Variants in HHAT observed in about 807,000 individuals in gnomAD.
The protein encoded by HHAT is protein-cysteine N-palmitoyltransferase HHAT.
Under a neutral mutation model 70.8 loss-of-function variants are expected in HHAT, and 47 were observed. The ratio of observed to expected loss-of-function variants is 0.66; its 90% CI spans 0.53 to 0.85. HHAT has a LOEUF of 0.85. HHAT is among the 40% of genes least tolerant of loss of function. HHAT has a pLI of 0.00. For missense variants in HHAT, 609 were observed against 604.8 expected (o/e 1.01, Z -0.07); for synonymous variants, 228 against 247.6 (o/e 0.92, Z 0.74).
At chr1:210,530,147 C>G (rs1302472927) in intron 9 of HHAT, among the ~76,000 whole-genome samples, 1 of 152,056 alleles carries the variant, frequency 6.6e-6, no homozygotes, top group African/African-American at 2.4e-5. Context: ...TAAAATTGCA[C>G]ACAAAAATCA....
At chr1:210,372,784 T>C (rs1174223174) in intron 3 of HHAT, among the ~76,000 whole-genome samples, 1 of 150,208 alleles carries the variant, frequency 6.7e-6, no homozygotes. Flanking sequence ...GGAGGTGTTT[T>C]TTTTTTTTTT....
intron 11 of HHAT, among the ~76,000 whole-genome samples, chr1:210,667,439 A>T (rs1462610447): frequency 6.6e-6 from 1 of 152,074 alleles, no homozygotes; most frequent in Non-Finnish European, 1.5e-5. Flanking sequence ...TTGTCTGAAC[A>T]CCCTGAGGCA....
At chr1:210,611,376 C>G (rs138438349) in intron 10 of HHAT, among the ~76,000 whole-genome samples, 3,788 of 152,164 alleles carry the variant, frequency 0.025, 173 homozygotes, top group African/African-American at 0.084. Flanking sequence ...TGAGACTTTG[C>G]TGAAGTTGCT....
At chr1:210,541,694 T>C (rs2095432653) in intron 9 of HHAT, among the ~76,000 whole-genome samples, 1 of 152,188 alleles carries the variant, frequency 6.6e-6, no homozygotes, top group Non-Finnish European at 1.5e-5. Context: ...GCCACTGCAC[T>C]ACAGCCTGGG....
At chr1:210,525,470 G>A (rs1419215847) in intron 9 of HHAT, among the ~76,000 whole-genome samples, 8 of 152,116 alleles carry the variant, frequency 5.3e-5, no homozygotes, top group Admixed American at 3.3e-4. Context: ...GGGCCTTGAC[G>A]ATTATGTTCC....
At chr1:210,484,646 A>G (rs1425859037) in intron 8 of HHAT, among the ~76,000 whole-genome samples, 5 of 152,168 alleles carry the variant, frequency 3.3e-5, no homozygotes, top group Non-Finnish European at 7.3e-5. Context: ...TGGTTGCAGA[A>G]TGATTTTCTG....
At chr1:210,454,847 T>C (rs963908122) in intron 7 of HHAT, among the ~76,000 whole-genome samples, 6 of 152,234 alleles carry the variant, frequency 3.9e-5, no homozygotes, top group African/African-American at 1.2e-4. Context: ...ATGTCTAACA[T>C]GTTCAAAGAA....
At chr1:210,436,191 T>C (rs1380923944) in intron 7 of HHAT, among the ~76,000 whole-genome samples, 1 of 151,866 alleles carries the variant, frequency 6.6e-6, no homozygotes, top group Non-Finnish European at 1.5e-5. Context: ...TATCCAGTTT[T>C]CCCAGCACCA....
chr1:210,465,453 A>G (rs2094080419), intron 8 of HHAT, among the ~76,000 whole-genome samples: 1 of 152,230 alleles, frequency 6.6e-6, no homozygotes, highest in African/African-American at 2.4e-5. Flanking sequence ...GAAGAACCTC[A>G]GGGTCAGCAC....
chr1:210,387,599 G>C lies in HHAT; in HGVS notation c.273+18G>C. 6.3e-7 allele frequency: 1 copy of C among 1,578,750 alleles called. No homozygotes were observed. Among genetic ancestry groups the C allele is most frequent in the Non-Finnish European group, 8.7e-7 (1 of 1,148,182 alleles). ...CAAGAAAGGTATGATTATATGTGTTGTTACCTTTTAAGTGTGTTTTTCCTT... is the reference window on the plus strand; with the variant it reads ...CAAGAAAGGTATGATTATATGTGTTCTTACCTTTTAAGTGTGTTTTTCCTT... On this transcript the variant is annotated intron_variant, in intron 4 of 11. Transcript: ENST00000261458.
intron 5 of HHAT, among the ~76,000 whole-genome samples, chr1:210,402,232 C>G (rs2092111427): frequency 6.6e-6 from 1 of 152,198 alleles, no homozygotes; most frequent in Admixed American, 6.5e-5. Flanking sequence ...CTTTTGGGGC[C>G]AGTTGACTCT....
In HHAT at chr1:210,620,972, A is replaced by C. The variant is rs140445139; in HGVS notation, c.1246-2554A>C. On this transcript the variant is annotated intron_variant, in intron 10 of 11. Transcript: ENST00000261458. ...AATATGGGGGTAGTCACAGAATCAA[A>C]GGAAGCACGGTAGGAGCTGGGGCCT... is the stretch of plus-strand genomic sequence containing the variant. 1.9e-3 allele frequency among the ~76,000 whole-genome samples: 282 copies of C among 152,104 alleles called. 3 individuals are homozygous for C. Among genetic ancestry groups the C allele is most frequent in the Admixed American group, 0.011 (174 of 15,286 alleles).
intron 7 of HHAT, among the ~76,000 whole-genome samples, chr1:210,457,802 C>A (rs2093900647): frequency 6.6e-6 from 1 of 152,110 alleles, no homozygotes; most frequent in African/African-American, 2.4e-5. Flanking sequence ...CTTGTGTTTA[C>A]CCCCGGGAAG....
At chr1:210,427,070 G>A (rs977848925) in intron 7 of HHAT, among the ~76,000 whole-genome samples, 3 of 152,078 alleles carry the variant, frequency 2.0e-5, no homozygotes, top group African/African-American at 7.2e-5. Context: ...AGTCTTCGGA[G>A]GGTGTATGTG....
At chr1:210,629,852 G>GC (rs1670527486) in intron 11 of HHAT, among the ~76,000 whole-genome samples, 3 of 142,412 alleles carry the variant, frequency 2.1e-5, no homozygotes, top group Non-Finnish European at 4.6e-5. Flanking sequence ...TTTGTTTTTT[G>GC]TTTTTTTTTT....
At chr1:210,412,718 C>A (rs2092600676) in intron 6 of HHAT, among the ~76,000 whole-genome samples, 1 of 152,208 alleles carries the variant, frequency 6.6e-6, no homozygotes, top group Non-Finnish European at 1.5e-5. Flanking sequence ...GGTTATGCCT[C>A]CTGCAGATCA....
At chr1:210,410,092 G>A (rs373225196) in intron 6 of HHAT, among the ~76,000 whole-genome samples, 125 of 151,208 alleles carry the variant, frequency 8.3e-4, no homozygotes, top group African/African-American at 2.9e-3. Flanking sequence ...TGGCTCTGTC[G>A]CCCAGGATGG....
intron 3 of HHAT, among the ~76,000 whole-genome samples, chr1:210,363,828 C>T (rs1260747827): frequency 1.3e-5 from 2 of 152,168 alleles, no homozygotes; most frequent in African/African-American, 2.4e-5. Context: ...ATTCAATCAG[C>T]CTTTTGTGGG....
chr1:210,666,013 A>G (rs909443984), intron 11 of HHAT, among the ~76,000 whole-genome samples: 4 of 152,228 alleles, frequency 2.6e-5, no homozygotes, highest in Non-Finnish European at 5.9e-5. Flanking sequence ...GACAGAGACT[A>G]TGGTGCTGGG....
Sources: gnomAD v4.1 joint callset for allele counts (sites outside exome capture counted in the v4.1 genomes callset) on GRCh38, gnomAD v4.1.1 for gene constraint, MANE v1.5 for transcripts, NCBI Gene and HGNC (gene_info 2026-07-23, HGNC 2026-07-21) for gene names.